Variants in EPB41 observed in about 807,000 individuals in gnomAD.
The protein encoded by EPB41 is protein 4.1.
Under a neutral mutation model 108.0 loss-of-function variants are expected in EPB41, and 65 were observed. The ratio of observed to expected loss-of-function variants is 0.60; its 90% CI spans 0.49 to 0.74. The LOEUF is 0.74. Ranked by LOEUF, EPB41 falls within the 30% of genes least tolerant of loss-of-function variation. EPB41 has a pLI of 0.00. For synonymous variants in EPB41, 336 were observed against 358.9 expected (o/e 0.94, Z 0.72); for missense variants, 875 against 1,037.0 (o/e 0.84, Z 2.15).
chr1:28,901,598 A>G (rs1389804994), intron 1 of EPB41, among the ~76,000 whole-genome samples: 3 of 151,152 alleles, frequency 2.0e-5, no homozygotes, highest in Non-Finnish European at 4.4e-5. Context: ...CAGTGGTGCG[A>G]TCTTGGCTCA....
At chr1:28,945,545 C>A (rs204057) in intron 1 of EPB41, among the ~76,000 whole-genome samples, 47,593 of 151,750 alleles carry the variant, frequency 0.31, 8,981 homozygotes, top group East Asian at 0.85. Context: ...CATAGCATCA[C>A]CCTAAGGGAA....
chr1:28,948,931 C>G (rs1047754333), intron 1 of EPB41, among the ~76,000 whole-genome samples: 5 of 152,124 alleles, frequency 3.3e-5, no homozygotes, highest in African/African-American at 4.8e-5. Flanking sequence ...GCCTGGGTGA[C>G]GGAGCGAGAC....
intron 11 of EPB41, among the ~76,000 whole-genome samples, chr1:29,046,203 C>T (rs1240632178): frequency 6.6e-6 from 1 of 151,876 alleles, no homozygotes; most frequent in Non-Finnish European, 1.5e-5. Flanking sequence ...CGGCTCACTG[C>T]AACCTCTGCC....
At chr1:28,982,777 T>C (rs2095788772) in intron 1 of EPB41, among the ~76,000 whole-genome samples, 1 of 152,240 alleles carries the variant, frequency 6.6e-6, no homozygotes. Context: ...TGACTGTCAT[T>C]AGTATACCCA....
At chr1:29,108,367 C>A (rs1182832858) in intron 17 of EPB41, among the ~76,000 whole-genome samples, 1 of 151,538 alleles carries the variant, frequency 6.6e-6, no homozygotes, top group East Asian at 2.0e-4. Flanking sequence ...ATTCTGGTCT[C>A]AAACTCCCCA....
chr1:29,021,139 T>C (rs2096639152), intron 7 of EPB41, among the ~76,000 whole-genome samples: 1 of 152,330 alleles, frequency 6.6e-6, no homozygotes, highest in East Asian at 1.9e-4. Flanking sequence ...CGTTTAATCT[T>C]TATAACCACC....
At chr1:28,961,168 T>C (rs2095199345) in intron 1 of EPB41, among the ~76,000 whole-genome samples, 1 of 152,112 alleles carries the variant, frequency 6.6e-6, no homozygotes, top group Non-Finnish European at 1.5e-5. Flanking sequence ...ATTCATCTGT[T>C]ACATTTGACA....
intron 2 of EPB41, among the ~76,000 whole-genome samples, chr1:28,988,400 C>T (rs902791923): frequency 6.6e-6 from 1 of 152,064 alleles, no homozygotes; most frequent in Non-Finnish European, 1.5e-5. Context: ...TGCTCTGTCA[C>T]CCAGGCTGGA....
At position 29,119,026 on chromosome 1, in the gene EPB41, G is replaced by T. The variant is rs1308371343; in HGVS notation, c.*2214G>T. ...CCCACTGAATATTCCGTGTGATCTA[G>T]AACAGTGTGGCAGCTTTCACAGCAC... On this transcript the variant is annotated 3_prime_UTR_variant, in exon 21 of 21. Coordinates refer to ENST00000343067, the MANE Select transcript of EPB41 (RefSeq NM_001376013.1). 1 of 152,272 alleles carries T rather than the reference G, an allele frequency of 6.6e-6. No individual in the cohort carries two copies. The highest frequency in any genetic ancestry group is 2.1e-4 in the South Asian group (1 of 4,836). The allele number at this position is 152,272 out of a possible 1,614,324, so 9.4% of individuals were successfully genotyped here.
intron 4 of EPB41, among the ~76,000 whole-genome samples, chr1:29,004,015 G>A (rs1413831029): frequency 1.3e-5 from 2 of 152,180 alleles, no homozygotes; most frequent in Non-Finnish European, 2.9e-5. Context: ...CAACTGCCTT[G>A]CCTCGCAAAG....
intron 1 of EPB41, among the ~76,000 whole-genome samples, chr1:28,937,644 T>C (rs1374023277): frequency 6.6e-6 from 1 of 152,184 alleles, no homozygotes; most frequent in Non-Finnish European, 1.5e-5. Flanking sequence ...CTGCCCGCCT[T>C]GGCCTCCCAA....
At chr1:28,930,737 A>T (rs770322514) in intron 1 of EPB41, among the ~76,000 whole-genome samples, 1 of 152,038 alleles carries the variant, frequency 6.6e-6, no homozygotes, top group Non-Finnish European at 1.5e-5. Flanking sequence ...CGCCCGCCTC[A>T]GCCTCCCAAA....
intron 1 of EPB41, among the ~76,000 whole-genome samples, chr1:28,984,969 T>C (rs1171109281): frequency 6.9e-6 from 1 of 144,264 alleles, no homozygotes; most frequent in Non-Finnish European, 1.5e-5. Flanking sequence ...CCCAAAAACT[T>C]TTTTTTTGTT....
At chr1:29,077,324 T>C (rs1654499637) in intron 16 of EPB41, among the ~76,000 whole-genome samples, 1 of 152,040 alleles carries the variant, frequency 6.6e-6, no homozygotes, top group Admixed American at 6.6e-5. Flanking sequence ...TACTCCCAGC[T>C]ACTCGGGAGG....
intron 4 of EPB41, among the ~76,000 whole-genome samples, chr1:29,009,559 C>T (rs2096465241): frequency 6.6e-6 from 1 of 152,064 alleles, no homozygotes; most frequent in African/African-American, 2.4e-5. Flanking sequence ...ATACCTACTC[C>T]AAAGTGGTAA....
intron 6 of EPB41, among the ~76,000 whole-genome samples, chr1:29,016,317 A>G (rs1033996380): frequency 2.0e-5 from 3 of 150,640 alleles, no homozygotes; most frequent in Non-Finnish European, 4.4e-5. Context: ...CTGGGATTAC[A>G]GATGTGCACC....
chr1:28,927,487 A>G (rs1425523300), intron 1 of EPB41, among the ~76,000 whole-genome samples: 2 of 152,168 alleles, frequency 1.3e-5, no homozygotes, highest in Non-Finnish European at 2.9e-5. Flanking sequence ...GCATTTTTCT[A>G]CTTGGCTCTA....
intron 16 of EPB41, among the ~76,000 whole-genome samples, chr1:29,094,517 C>T (rs537996192): frequency 6.6e-6 from 1 of 152,224 alleles, no homozygotes; most frequent in South Asian, 2.1e-4. Context: ...CTCAGGTGAT[C>T]TGTGCCTGCC....
intron 17 of EPB41, 106 bp from the exon 18 acceptor site, chr1:29,109,230 T>C (rs1464809310): frequency 2.4e-6 from 2 of 841,408 alleles, no homozygotes; most frequent in African/African-American, 3.4e-5. Flanking sequence ...TCTAAGGGAA[T>C]GAGATTTTTG....
Sources: gnomAD v4.1 joint callset for allele counts (sites outside exome capture counted in the v4.1 genomes callset) on GRCh38, gnomAD v4.1.1 for gene constraint, MANE v1.5 for transcripts, NCBI Gene and HGNC (gene_info 2026-07-23, HGNC 2026-07-21) for gene names.